Variants in VPS8 observed in about 807,000 individuals in gnomAD.
VPS8 encodes the protein vacuolar protein sorting-associated protein 8 homolog.
Under a neutral mutation model 216.4 loss-of-function variants are expected in VPS8, and 129 were observed. The ratio of observed to expected loss-of-function variants is 0.60; its 90% confidence interval spans 0.52 to 0.69. The LOEUF (loss-of-function observed/expected upper bound fraction) is 0.69. Among genes scored for constraint, VPS8 ranks in the 30% least tolerant of loss-of-function variants. The pLI is 0.00. For missense variants in VPS8, 1,531 were observed against 1,683.5 expected, an observed-to-expected ratio of 0.91 and a Z score of 1.59; for synonymous variants, 571 against 565.4, an observed-to-expected ratio of 1.01 and a Z score of -0.14.
chr3:184,969,142 G>A (rs1040529154), intron 39 of VPS8, among the ~76,000 whole-genome samples: 6 of 152,038 alleles, frequency 3.9e-5, no homozygotes, highest in Admixed American at 3.9e-4. Flanking sequence ...TGGGGGGACG[G>A]CGTCTCGCTC....
At chr3:184,986,280 C>A (rs1375966885) in intron 42 of VPS8, among the ~76,000 whole-genome samples, 1 of 152,096 alleles carries the variant, frequency 6.6e-6, no homozygotes, top group African/African-American at 2.4e-5. Context: ...TGGAAAGTTA[C>A]AAGTTTTTTA....
chr3:184,818,458 G>A (rs115287095), intron 1 of VPS8, among the ~76,000 whole-genome samples: 1,694 of 150,930 alleles, frequency 0.011, 36 homozygotes, highest in African/African-American at 0.04. Flanking sequence ...GGAGGCAGAG[G>A]TTGTAATGAG....
At chr3:184,963,942 A>G (rs1283414895) in intron 37 of VPS8, among the ~76,000 whole-genome samples, 1 of 151,834 alleles carries the variant, frequency 6.6e-6, no homozygotes, top group Non-Finnish European at 1.5e-5. Flanking sequence ...ATTTTTTCTA[A>G]CCTGTTAATC....
At chr3:185,028,870 C>T (rs1757737514) in intron 46 of VPS8, among the ~76,000 whole-genome samples, 1 of 152,124 alleles carries the variant, frequency 6.6e-6, no homozygotes, top group African/African-American at 2.4e-5. Flanking sequence ...AAGTGTAGAA[C>T]AAAGTAGTCA....
At chr3:184,891,887 T>C (rs888750199) in intron 22 of VPS8, among the ~76,000 whole-genome samples, 2 of 152,186 alleles carry the variant, frequency 1.3e-5, no homozygotes, top group Non-Finnish European at 2.9e-5. Context: ...TTGTAATTTC[T>C]TATAACCAAA....
intron 42 of VPS8, among the ~76,000 whole-genome samples, chr3:184,985,606 G>T (rs995110975): frequency 6.6e-6 from 1 of 152,178 alleles, no homozygotes; most frequent in Admixed American, 6.5e-5. Flanking sequence ...AGAGCAGAAG[G>T]AGCTGTGGGA....
chr3:184,983,507 A>G (rs1456620078), intron 42 of VPS8, among the ~76,000 whole-genome samples: 1 of 152,188 alleles, frequency 6.6e-6, no homozygotes, highest in African/African-American at 2.4e-5. Context: ...CTCATCCTAA[A>G]ATTATTTTTG....
At chr3:184,890,433 G>A (rs1030743466) in intron 22 of VPS8, among the ~76,000 whole-genome samples, 1 of 151,916 alleles carries the variant, frequency 6.6e-6, no homozygotes, top group African/African-American at 2.4e-5. Flanking sequence ...TTTATAGGCA[G>A]TCCTTTTATT....
At chr3:184,912,352 G>A (rs1315733528) in intron 25 of VPS8, among the ~76,000 whole-genome samples, 2 of 152,192 alleles carry the variant, frequency 1.3e-5, no homozygotes, top group Non-Finnish European at 2.9e-5. Context: ...TCTTTGTCCA[G>A]TGCCTGTGAA....
At chr3:184,977,791 T>C (rs1263819506) in intron 40 of VPS8, among the ~76,000 whole-genome samples, 1 of 151,186 alleles carries the variant, frequency 6.6e-6, no homozygotes, top group African/African-American at 2.4e-5. Flanking sequence ...GGGTCAGCTT[T>C]TGGATATGTT....
chr3:184,897,936 A>G (rs867145845), intron 23 of VPS8, among the ~76,000 whole-genome samples: 14 of 152,026 alleles, frequency 9.2e-5, no homozygotes, highest in African/African-American at 3.1e-4. Context: ...GCTTCTTCCT[A>G]CAGAATTCCT....
chr3:184,829,570 G>A (rs1250199869), intron 3 of VPS8, among the ~76,000 whole-genome samples: 1 of 152,064 alleles, frequency 6.6e-6, no homozygotes. Context: ...GGGTCATCAG[G>A]TATAGTTATA....
intron 29 of VPS8, among the ~76,000 whole-genome samples, chr3:184,922,900 G>T (rs978415664): frequency 2.0e-5 from 3 of 151,978 alleles, no homozygotes; most frequent in Non-Finnish European, 4.4e-5. Context: ...ATGGCCTTTT[G>T]TAGGATAATA....
At chr3:185,024,604 A>G (rs549023218) in intron 46 of VPS8, among the ~76,000 whole-genome samples, 23 of 152,350 alleles carry the variant, frequency 1.5e-4, no homozygotes, top group African/African-American at 4.6e-4. Flanking sequence ...CCTAGCAACT[A>G]TCAGTTTCTA....
intron 15 of VPS8, among the ~76,000 whole-genome samples, chr3:184,860,801 A>T (rs997320130): frequency 6.7e-6 from 1 of 148,450 alleles, no homozygotes; most frequent in Non-Finnish European, 1.5e-5. Flanking sequence ...TCTACCATGC[A>T]TCTCAATCCT....
At chr3:184,819,841 T>A (rs1349993150) in intron 1 of VPS8, among the ~76,000 whole-genome samples, 1 of 152,224 alleles carries the variant, frequency 6.6e-6, no homozygotes, top group Admixed American at 6.5e-5. Flanking sequence ...AACAGTTGTT[T>A]AACACATATT....
intron 36 of VPS8, among the ~76,000 whole-genome samples, chr3:184,949,297 T>TA (rs998416850): frequency 3.3e-4 from 48 of 146,530 alleles, no homozygotes; most frequent in African/African-American, 4.5e-4. Context: ...ATTCTGTCTT[T>TA]AAAAAAAAAA....
intron 34 of VPS8, among the ~76,000 whole-genome samples, chr3:184,932,914 A>G (rs566558068): frequency 2.0e-5 from 3 of 152,282 alleles, no homozygotes; most frequent in Admixed American, 6.5e-5. Flanking sequence ...TCTGTTCACA[A>G]TCATCCGTAT....
At chr3:184,998,517 A>G (rs1342482585) in intron 44 of VPS8, among the ~76,000 whole-genome samples, 1 of 10,872 alleles carries the variant, frequency 9.2e-5, no homozygotes, top group African/African-American at 1.2e-4. Context: ...ATATATATAT[A>G]TATATATATA....
Sources: gnomAD v4.1 joint callset for allele counts (sites outside exome capture counted in the v4.1 genomes callset) on GRCh38, gnomAD v4.1.1 for gene constraint, MANE v1.5 for transcripts, NCBI Gene and HGNC (gene_info 2026-07-23, HGNC 2026-07-21) for gene names.